The following L3MBTL4 variants were observed in gnomAD, a reference collection of about 807,000 sequenced individuals.
The protein encoded by L3MBTL4 is L3MBTL histone methyl-lysine binding protein 4, also known as lethal(3)malignant brain tumor-like protein 4.
L3MBTL4 carries 70 observed loss-of-function variants against 84.5 expected under a neutral mutation model. The observed-to-expected ratio is 0.83, with a 90% CI of 0.68 to 1.01. The LOEUF is 1.01. L3MBTL4 is among the 50% of genes least tolerant of loss of function. The pLI, the probability that L3MBTL4 is intolerant of heterozygous loss-of-function variation, is 0.00. For missense variants in L3MBTL4, 715 were observed against 754.8 expected (o/e 0.95, Z 0.62); for synonymous variants, 274 against 259.8 (o/e 1.05, Z -0.52).
intron 14 of L3MBTL4, among the ~76,000 whole-genome samples, chr18:6,132,451 T>C (rs1015116513): frequency 2.0e-5 from 3 of 152,126 alleles, no homozygotes; most frequent in African/African-American, 7.2e-5. Context: ...GCTGATAGAA[T>C]TCATCACCCC....
chr18:6,128,461 G>A (rs900568326), intron 14 of L3MBTL4, among the ~76,000 whole-genome samples: 11 of 152,152 alleles, frequency 7.2e-5, no homozygotes, highest in Admixed American at 3.3e-4. Flanking sequence ...AAAATGCCCA[G>A]GGAGGTGCAG....
At chr18:6,269,388 G>A (rs2048770804) in intron 4 of L3MBTL4, among the ~76,000 whole-genome samples, 1 of 151,862 alleles carries the variant, frequency 6.6e-6, no homozygotes, top group Non-Finnish European at 1.5e-5. Flanking sequence ...ACCCGGGAAG[G>A]AGAGTGTACA....
intron 10 of L3MBTL4, among the ~76,000 whole-genome samples, chr18:6,223,135 A>G (rs906210802): frequency 6.6e-6 from 1 of 152,016 alleles, no homozygotes; most frequent in Non-Finnish European, 1.5e-5. Context: ...AAAAAAACCA[A>G]CTGTGTTATT....
chr18:6,359,350 C>T (rs746385729), intron 1 of L3MBTL4, among the ~76,000 whole-genome samples: 21 of 152,076 alleles, frequency 1.4e-4, no homozygotes, highest in Non-Finnish European at 2.5e-4. Flanking sequence ...GAGGCTGAGG[C>T]AGGAGAATGG....
intron 16 of L3MBTL4, among the ~76,000 whole-genome samples, chr18:6,076,561 A>C (rs569470829): frequency 6.6e-6 from 1 of 152,276 alleles, no homozygotes; most frequent in African/African-American, 2.4e-5. Flanking sequence ...CTTATAACAG[A>C]AATAACCCGG....
chr18:6,218,963 C>T (rs1342239683), intron 10 of L3MBTL4, among the ~76,000 whole-genome samples: 1 of 152,100 alleles, frequency 6.6e-6, no homozygotes, highest in Admixed American at 6.5e-5. Context: ...GGAGACCGCC[C>T]CATGGAACAA....
rs891270169 is a variant in L3MBTL4, at chr18:6,026,746, T to C, written c.1444+54135A>G. Among the ~76,000 whole-genome samples, 11 of 152,208 alleles carry C rather than the reference T, an allele frequency of 7.2e-5. No individual in the cohort carries two copies. The South Asian group carries it at 1.4e-3, about 20-fold the overall frequency. On this transcript the variant is annotated intron_variant, in intron 16 of 18. Coordinates refer to ENST00000317931, the MANE Select transcript of L3MBTL4 (RefSeq NM_001330559.2). ...GATTACAAACATAAGGGGTTGAATA[T>C]TGAATATTAATTAACATTTACTTTA...
chr18:6,192,984 C>T (rs7238718), intron 12 of L3MBTL4, among the ~76,000 whole-genome samples: 6,331 of 151,946 alleles, frequency 0.042, 440 homozygotes, highest in African/African-American at 0.14. Context: ...GTACAATCAA[C>T]GGATTAGAGG....
At chr18:5,990,774 T>TGTGTGG (rs1345395445) in intron 16 of L3MBTL4, among the ~76,000 whole-genome samples, 20 of 139,218 alleles carry the variant, frequency 1.4e-4, no homozygotes, top group Non-Finnish European at 2.0e-4. Context: ...CATGTGGGTG[T>TGTGTGG]GTGTGTGTGT....
intron 16 of L3MBTL4, among the ~76,000 whole-genome samples, chr18:6,057,254 C>T (rs1194404876): frequency 6.6e-6 from 1 of 152,144 alleles, no homozygotes; most frequent in Non-Finnish European, 1.5e-5. Flanking sequence ...GTCTCAAACT[C>T]CTGACCTAAG....
At chr18:6,094,739 TAATAAA>T (rs1427253001) in intron 14 of L3MBTL4, among the ~76,000 whole-genome samples, 1 of 151,972 alleles carries the variant, frequency 6.6e-6, no homozygotes, top group Admixed American at 6.5e-5. Flanking sequence ...CCAGCGAACA[TAATAAA>T]AATAAACTGG....
At chr18:5,964,157 T>TCC (rs539700883) in intron 17 of L3MBTL4, among the ~76,000 whole-genome samples, 36 of 152,242 alleles carry the variant, frequency 2.4e-4, no homozygotes, top group Non-Finnish European at 4.4e-4. Context: ...GCACGCAGTG[T>TCC]CCTACAGCTA....
intron 15 of L3MBTL4, among the ~76,000 whole-genome samples, chr18:6,085,902 G>A (rs981959952): frequency 6.6e-6 from 1 of 152,184 alleles, no homozygotes; most frequent in African/African-American, 2.4e-5. Context: ...CAGCATCAGA[G>A]TTAGGAGTGG....
chr18:6,065,097 T>C lies in L3MBTL4; in HGVS notation c.1444+15784A>G, dbSNP rs149488663. 3.7e-4 allele frequency among the ~76,000 whole-genome samples: 57 copies of C among 152,218 alleles called. 1 individual carries two copies. The East Asian group carries it at 0.01, about 27-fold the overall frequency. On this transcript the variant is annotated intron_variant, in intron 16 of 18. Coordinates refer to ENST00000317931, the MANE Select transcript of L3MBTL4 (RefSeq NM_001330559.2). ...TTATAGAATGCTTTTTCTGTGTCTA[T>C]TGAGATGATCATATGGTTTTTGTTT... is the stretch of plus-strand genomic sequence containing the variant.
At chr18:6,180,202 A>G (rs962229854) in intron 12 of L3MBTL4, among the ~76,000 whole-genome samples, 7 of 152,140 alleles carry the variant, frequency 4.6e-5, no homozygotes, top group African/African-American at 1.7e-4. Flanking sequence ...GCTTGCAGAC[A>G]AGGGTAATGA....
intron 2 of L3MBTL4, 130 bp downstream of exon 2, chr18:6,311,868 A>AGGT: frequency 2.6e-6 from 1 of 378,234 alleles, no homozygotes; most frequent in Non-Finnish European, 4.9e-6. Flanking sequence ...CCTCATCTAG[A>AGGT]ATTTATATCA....
At chr18:6,079,291 T>C (rs778313189) in intron 16 of L3MBTL4, among the ~76,000 whole-genome samples, 2 of 152,166 alleles carry the variant, frequency 1.3e-5, no homozygotes, top group African/African-American at 2.4e-5. Flanking sequence ...CAACACACAG[T>C]GGTCTGGGTC....
rs542087218 is a variant in L3MBTL4 at position 6,196,348 on chromosome 18, G to A, written c.981+16801C>T. On this transcript the variant is annotated intron_variant, in intron 12 of 18. Transcript: ENST00000317931. ...AATTTTTTGTATTTTTAGTAAAGAC[G>A]CGGTTTCACCGTGTTGGCCAGGATG... Among the ~76,000 whole-genome samples the A allele has an allele frequency of 3.9e-5, 6 of 152,090 alleles. No homozygotes were observed. In the South Asian group the frequency reaches 8.3e-4, roughly 21 times the overall value.
intron 16 of L3MBTL4, among the ~76,000 whole-genome samples, chr18:6,070,984 A>G (rs1307526627): frequency 8.5e-5 from 13 of 152,218 alleles, no homozygotes; most frequent in Admixed American, 4.6e-4. Flanking sequence ...TAAATAAACA[A>G]CAAGCTAATA....
Sources: gnomAD v4.1 joint callset for allele counts (sites outside exome capture counted in the v4.1 genomes callset) on GRCh38, gnomAD v4.1.1 for gene constraint, MANE v1.5 for transcripts, NCBI Gene and HGNC (gene_info 2026-07-23, HGNC 2026-07-21) for gene names.